Variants in MESD observed in about 807,000 individuals in gnomAD.
The protein encoded by MESD is LRP chaperone MESD.
MESD carries 7 observed loss-of-function variants against 12.9 expected under a neutral mutation model. That is an observed-to-expected ratio of 0.54 (90% CI 0.31 to 1.02). The LOEUF (loss-of-function observed/expected upper bound fraction) is 1.02, where lower values mean the gene tolerates loss of function less well. MESD is among the 50% of genes least tolerant of loss of function. The probability of loss-of-function intolerance (pLI) is 0.05; values close to 1 mark genes in which losing one functional copy is unlikely to be tolerated. For missense variants in MESD, 342 were observed against 296.7 expected (o/e 1.15, Z -1.12); for synonymous variants, 126 against 115.6 (o/e 1.09, Z -0.58).
chr15:80,979,357 C>A lies in MESD; in HGVS notation c.567G>T (p.Val189=), dbSNP rs1269525138. The A allele has an allele frequency of 1.2e-6, 2 of 1,614,008 alleles. No homozygotes were observed. Among genetic ancestry groups the A allele is most frequent in the African/African-American group, 2.7e-5 (2 of 74,908 alleles). ...RCADVTLEGQ[V]YPGKGGGSKE... ...TGCTTCCTCCTCCTTTGCCGGGGTA[C>A]ACCTGGCCCTCCAGAGTTACATCAG... The change falls in exon 3 of 3, where the codon GTG becomes GTT. Residue 189 remains valine (V), a synonymous_variant. Coordinates refer to ENST00000261758, the MANE Select transcript of MESD (RefSeq NM_015154.3).
At chr15:80,986,929 G>C (rs183311052) in intron 1 of MESD, among the ~76,000 whole-genome samples, 1 of 152,278 alleles carries the variant, frequency 6.6e-6, no homozygotes, top group Admixed American at 6.5e-5. Flanking sequence ...CCAACCTTCA[G>C]AACAATCCTA....
rs528225728 is a variant in MESD at position 80,954,451 on chromosome 15, G to A, written c.*289-2155C>T. ...GCTGTTTTAGCCTGGGGGCTAGGTA[G>A]GCGGCAGAGGTTTTCTCAATGGCAG... On this transcript the variant is annotated intron_variant, in intron 3 of 4. Coordinates refer to the MESD transcript ENST00000561312. Among the ~76,000 whole-genome samples the A allele has an allele frequency of 2.0e-5, 3 of 152,346 alleles. No individual in the cohort carries two copies. In the East Asian group the frequency reaches 5.8e-4, roughly 29 times the overall value.
chr15:80,972,412 T>C (rs1160701748), downstream of MESD, among the ~76,000 whole-genome samples: 2 of 152,190 alleles, frequency 1.3e-5, no homozygotes, highest in East Asian at 1.9e-4. Context: ...TCAACCTGGT[T>C]GATGGTGACC....
chr15:80,960,960 A>G (rs996652599), intron 3 of MESD, among the ~76,000 whole-genome samples: 2 of 152,120 alleles, frequency 1.3e-5, no homozygotes, highest in African/African-American at 4.8e-5. Flanking sequence ...AATTCATGCC[A>G]CTGTCTCCCT....
chr15:80,956,687 G>A (rs932449989), intron 3 of MESD, among the ~76,000 whole-genome samples: 1 of 152,154 alleles, frequency 6.6e-6, no homozygotes, highest in African/African-American at 2.4e-5. Context: ...GCAATTCTGA[G>A]ATAGCCAATT....
intron 3 of MESD, among the ~76,000 whole-genome samples, chr15:80,958,615 G>A (rs1474343780): frequency 6.6e-6 from 1 of 152,168 alleles, no homozygotes; most frequent in African/African-American, 2.4e-5. Flanking sequence ...TTACAGGCAT[G>A]AGCCACCGTG....
downstream of MESD, chr15:80,947,241 A>C (rs1596215533): frequency 3.3e-6 from 2 of 603,844 alleles, no homozygotes; most frequent in South Asian, 4.0e-5. Flanking sequence ...GCAAGATGCC[A>C]CCTGTTTACC....
chr15:80,967,531 A>C (rs924190638), intron 3 of MESD, among the ~76,000 whole-genome samples: 1 of 152,196 alleles, frequency 6.6e-6, no homozygotes, highest in South Asian at 2.1e-4. Flanking sequence ...AGGGAAAGCA[A>C]GTATGGCACT....
intron 3 of MESD, among the ~76,000 whole-genome samples, chr15:80,956,159 C>T (rs1057380917): frequency 6.6e-6 from 1 of 152,054 alleles, no homozygotes; most frequent in African/African-American, 2.4e-5. Context: ...CACTACACTC[C>T]AGCCTGGGTG....
chr15:80,946,731 C>T, downstream of MESD: 1 of 549,524 alleles, frequency 1.8e-6, no homozygotes, highest in Admixed American at 2.7e-5. Context: ...TTGGAGAAGG[C>T]TGTGGGCACC....
intron 4 of MESD, chr15:80,951,147 T>C (rs968003441): frequency 6.5e-6 from 1 of 152,710 alleles, no homozygotes; most frequent in Non-Finnish European, 1.5e-5. Context: ...CACGGTTTTG[T>C]TGAGTTTTCA....
chr15:80,973,867 A>C (rs1278330520), downstream of MESD, among the ~76,000 whole-genome samples: 1 of 152,132 alleles, frequency 6.6e-6, no homozygotes, highest in African/African-American at 2.4e-5. Flanking sequence ...GCCTGGGGCA[A>C]GTGCCTCCTG....
chr15:80,953,175 T>C, intron 3 of MESD: 1 of 437,948 alleles, frequency 2.3e-6, no homozygotes, highest in South Asian at 1.6e-5. Flanking sequence ...GGAAGGTGGG[T>C]TGGGCCAAAC....
At chr15:80,986,039 TA>T (rs886174331) in intron 1 of MESD, among the ~76,000 whole-genome samples, 15 of 148,246 alleles carry the variant, frequency 1.0e-4, no homozygotes, top group South Asian at 2.1e-4. Context: ...TCAAGAGACT[TA>T]AAAAAAAAAG....
chr15:80,985,767 C>T (rs1228749124), intron 1 of MESD, among the ~76,000 whole-genome samples: 1 of 151,122 alleles, frequency 6.6e-6, no homozygotes, highest in Non-Finnish European at 1.5e-5. Flanking sequence ...TCTTCCTATC[C>T]CAGCCTCCAG....
intron 3 of MESD, among the ~76,000 whole-genome samples, chr15:80,959,796 A>G (rs963405437): frequency 1.2e-4 from 19 of 152,174 alleles, no homozygotes; most frequent in Admixed American, 1.2e-3. Context: ...TGTCCCCATT[A>G]TCTCCTGGAA....
At chr15:80,969,738 C>T (rs1308927309) in intron 3 of MESD, among the ~76,000 whole-genome samples, 1 of 152,106 alleles carries the variant, frequency 6.6e-6, no homozygotes, top group Non-Finnish European at 1.5e-5. Context: ...GCCTGTAATC[C>T]CAGCTACTCA....
chr15:80,985,930 C>T (rs961992718), intron 1 of MESD, among the ~76,000 whole-genome samples: 16 of 152,034 alleles, frequency 1.1e-4, no homozygotes, highest in Non-Finnish European at 1.5e-5. Flanking sequence ...GCTGGGGTTA[C>T]AGGCATGAGC....
At chr15:80,979,599 G>T in intron 2 of MESD, 122 bp from the exon 3 acceptor site, 1 of 1,232,924 alleles carries the variant, frequency 8.1e-7, no homozygotes, top group Non-Finnish European at 1.1e-6. Context: ...ATGAAAAATT[G>T]GATTTTCCAA....
Sources: gnomAD v4.1 joint callset for allele counts (sites outside exome capture counted in the v4.1 genomes callset) on GRCh38, gnomAD v4.1.1 for gene constraint, MANE v1.5 for transcripts, NCBI Gene and HGNC (gene_info 2026-07-23, HGNC 2026-07-21) for gene names.